Variants in AGBL1 observed in about 807,000 individuals in gnomAD.
The protein encoded by AGBL1 is cytosolic carboxypeptidase 4.
AGBL1 carries 130 observed loss-of-function variants against 118.9 expected under a neutral mutation model. The ratio of observed to expected loss-of-function variants is 1.09; its 90% CI spans 0.95 to 1.26. The LOEUF (loss-of-function observed/expected upper bound fraction) is 1.26. Among genes scored for constraint, AGBL1 ranks in the 50% most tolerant of loss-of-function variants. The pLI is 0.00. For synonymous variants in AGBL1, 555 were observed against 478.9 expected (o/e 1.16, Z -2.08); for missense variants, 1,584 against 1,298.1 (o/e 1.22, Z -3.38).
Position 86,909,026 on chromosome 15 carries a change from G to A in AGBL1, c.*1732G>A, listed in dbSNP as rs2080316978. ...TGTGCTTCTACTCTTGGTCTAGAAT[G>A]GCTGCTGAAGCATCAGTCACTGCAT... is the stretch of plus-strand genomic sequence containing the variant. On this transcript the variant is annotated 3_prime_UTR_variant, in exon 23 of 23. Coordinates refer to ENST00000614907, the MANE Select transcript of AGBL1 (RefSeq NM_001386094.1). 1 of 152,162 alleles carries A rather than the reference G, an allele frequency of 6.6e-6. No homozygotes were observed. Among genetic ancestry groups the A allele is most frequent in the East Asian group, 1.9e-4 (1 of 5,182 alleles). 9.4% of individuals were successfully genotyped at this position (152,162 alleles called of 1,614,324 possible). A position where few individuals can be genotyped will look rare whatever the true frequency, so the allele number is the denominator to read the frequency against.
chr15:86,753,110 G>C (rs8041342), intron 22 of AGBL1, among the ~76,000 whole-genome samples: 4,300 of 151,970 alleles, frequency 0.028, 214 homozygotes, highest in African/African-American at 0.099. Flanking sequence ...ATCTAAATCT[G>C]TTAAAAACAG....
intron 17 of AGBL1, among the ~76,000 whole-genome samples, chr15:86,349,131 G>T (rs969406596): frequency 7.2e-5 from 11 of 152,176 alleles, no homozygotes; most frequent in Non-Finnish European, 1.3e-4. Context: ...AAGACTAAAA[G>T]AAACAAGAAA....
exon 24 of AGBL1, chr15:86,988,025 T>G: frequency 6.2e-7 from 1 of 1,613,802 alleles, no homozygotes. Flanking sequence ...CATATTTGGT[T>G]TGCTTACCAC....
chr15:86,531,945 T>G (rs2083354488), intron 19 of AGBL1, among the ~76,000 whole-genome samples: 1 of 151,498 alleles, frequency 6.6e-6, no homozygotes, highest in Non-Finnish European at 1.5e-5. Context: ...AAATTATGTA[T>G]TGATGGGACG....
chr15:86,926,092 C>G (rs1473568329), intron 23 of AGBL1, among the ~76,000 whole-genome samples: 1 of 152,032 alleles, frequency 6.6e-6, no homozygotes, highest in Non-Finnish European at 1.5e-5. Flanking sequence ...GCTTCATCTC[C>G]TCTCCTTTCC....
chr15:86,966,995 C>T (rs1419115036), intron 23 of AGBL1, among the ~76,000 whole-genome samples: 1 of 152,026 alleles, frequency 6.6e-6, no homozygotes, highest in Non-Finnish European at 1.5e-5. Context: ...CTGTTGTTTC[C>T]TGACTTTTTG....
At chr15:86,721,811 C>T (rs1030217970) in intron 22 of AGBL1, among the ~76,000 whole-genome samples, 5 of 152,160 alleles carry the variant, frequency 3.3e-5, no homozygotes, top group East Asian at 1.9e-4. Context: ...AGCAAAGTCT[C>T]AGGATACAAA....
intron 21 of AGBL1, among the ~76,000 whole-genome samples, chr15:86,667,282 G>A (rs2085664543): frequency 6.7e-6 from 1 of 149,098 alleles, no homozygotes; most frequent in South Asian, 2.2e-4. Flanking sequence ...GTCTATCTTT[G>A]CTGTTGGCTT....
chr15:86,589,231 C>T (rs1050624000), intron 21 of AGBL1, among the ~76,000 whole-genome samples: 3 of 152,048 alleles, frequency 2.0e-5, no homozygotes, highest in African/African-American at 7.2e-5. Flanking sequence ...TTACTGATAA[C>T]TCTATAGGTT....
chr15:86,518,447 C>T (rs921215192), intron 18 of AGBL1, among the ~76,000 whole-genome samples: 1 of 152,004 alleles, frequency 6.6e-6, no homozygotes, highest in Non-Finnish European at 1.5e-5. Context: ...TTCAGTGACC[C>T]TTTAGTTAGG....
At chr15:86,437,360 C>T (rs1025405) in intron 18 of AGBL1, among the ~76,000 whole-genome samples, 17 of 151,886 alleles carry the variant, frequency 1.1e-4, no homozygotes, top group East Asian at 3.9e-4. Context: ...AAAGAGAAAG[C>T]GCTTAAATAA....
intron 9 of AGBL1, among the ~76,000 whole-genome samples, chr15:86,262,078 C>CTGTTTTTTTTTTTTTTTTTTTTTTTTT (rs2094009283): frequency 1.9e-5 from 1 of 52,768 alleles, no homozygotes; most frequent in Non-Finnish European, 3.6e-5. Flanking sequence ...GCATAGCTGG[C>CTGTTTTTTTTTTTTTTTTTTTTTTTTT]TTTTTTTTTT....
In AGBL1 at chr15:86,979,346, A is replaced by G. The variant is rs141964752; in HGVS notation, c.3222-8641A>G. On this transcript the variant is annotated intron_variant, in intron 23 of 24. Coordinates refer to the AGBL1 transcript ENST00000441037. ...ATAACTATCCACAATTATAATGCAC[A>G]TTTGTTTCCCCCAATGTCCTAAAAT... 4.7e-4 allele frequency among the ~76,000 whole-genome samples: 71 copies of G among 152,340 alleles called. 1 individual carries two copies. Among genetic ancestry groups the G allele is most frequent in the Non-Finnish European group, 1.9e-4 (13 of 68,034 alleles).
intron 23 of AGBL1, among the ~76,000 whole-genome samples, chr15:86,950,967 A>G (rs1485690385): frequency 3.3e-5 from 5 of 152,204 alleles, no homozygotes; most frequent in African/African-American, 1.2e-4. Flanking sequence ...AAGTGTGTCT[A>G]TGGTATAGAA....
chr15:86,576,786 G>GT (rs2084098168), intron 21 of AGBL1, among the ~76,000 whole-genome samples: 1 of 152,168 alleles, frequency 6.6e-6, no homozygotes, highest in Non-Finnish European at 1.5e-5. Context: ...GATGGTTATC[G>GT]TAAGGAGGAG....
intron 1 of AGBL1, among the ~76,000 whole-genome samples, chr15:86,096,758 C>A (rs1896401569): frequency 6.6e-6 from 1 of 152,128 alleles, no homozygotes; most frequent in South Asian, 2.1e-4. Flanking sequence ...GAAGAAGGAG[C>A]TTTTCATAGA....
intron 17 of AGBL1, among the ~76,000 whole-genome samples, chr15:86,348,142 C>T (rs1011451184): frequency 3.3e-5 from 5 of 152,080 alleles, no homozygotes; most frequent in African/African-American, 1.2e-4. Context: ...TAGTCCACAG[C>T]ATCTTCTTAA....
intron 5 of AGBL1, among the ~76,000 whole-genome samples, chr15:86,196,374 AT>A (rs1255525116): frequency 1.3e-5 from 2 of 152,156 alleles, no homozygotes; most frequent in African/African-American, 4.8e-5. Context: ...GAAATCTACA[AT>A]AGCAATATCC....
At chr15:86,100,607 A>C (rs1264714762) in intron 1 of AGBL1, among the ~76,000 whole-genome samples, 1 of 152,082 alleles carries the variant, frequency 6.6e-6, no homozygotes, top group Non-Finnish European at 1.5e-5. Context: ...GTATGTGTCC[A>C]GGAATTTATC....
Sources: allele counts gnomAD v4.1 joint callset (sites outside exome capture counted in the v4.1 genomes callset), GRCh38; gene constraint gnomAD v4.1.1; transcripts MANE v1.5; gene names NCBI Gene and HGNC (gene_info 2026-07-23, HGNC 2026-07-21).